Variants in LGSN observed in about 807,000 individuals in gnomAD.
LGSN encodes lengsin.
LGSN carries 21 observed loss-of-function variants against 19.5 expected under a neutral mutation model. That is an observed-to-expected ratio of 1.07 (90% CI 0.76 to 1.55). LGSN has a LOEUF of 1.55. Ranked by LOEUF, LGSN falls within the 40% of genes most tolerant of loss-of-function variation. The pLI is 0.00. For synonymous variants in LGSN, 257 were observed against 215.6 expected (o/e 1.19, Z -1.68); for missense variants, 673 against 608.5 (o/e 1.11, Z -1.12).
chr6:63,450,763 C>T, the LGSN span, among the ~76,000 whole-genome samples: 2 of 151,794 alleles, frequency 1.3e-5, no homozygotes, highest in Admixed American at 1.3e-4. Flanking sequence ...ACCTCCACCT[C>T]CTGGGTTCAA....
At chr6:63,347,305 G>A in the LGSN span, among the ~76,000 whole-genome samples, 1 of 151,920 alleles carries the variant, frequency 6.6e-6, no homozygotes, top group Admixed American at 6.6e-5. Flanking sequence ...TTTAAAACCA[G>A]TCTTTTTTAA....
the LGSN span, among the ~76,000 whole-genome samples, chr6:63,498,910 T>C: frequency 6.6e-6 from 1 of 152,084 alleles, no homozygotes; most frequent in Non-Finnish European, 1.5e-5. Context: ...AAAAGGCCAT[T>C]TGGTACTTAC....
At chr6:63,349,501 A>C in the LGSN span, among the ~76,000 whole-genome samples, 49 of 152,354 alleles carry the variant, frequency 3.2e-4, no homozygotes, top group African/African-American at 1.2e-3. Context: ...AAGGTTGAGA[A>C]ACATTCTAAG....
chr6:63,486,187 C>T, the LGSN span, among the ~76,000 whole-genome samples: 1 of 152,192 alleles, frequency 6.6e-6, no homozygotes, highest in Non-Finnish European at 1.5e-5. Flanking sequence ...TTAAAGTACT[C>T]ATATACACAT....
chr6:63,281,080 T>C lies in LGSN; in HGVS notation c.471A>G (p.Arg157=). 6.2e-7 allele frequency: 1 copy of C among 1,613,854 alleles called. No homozygotes were observed. Among genetic ancestry groups the C allele is most frequent in the Non-Finnish European group, 8.5e-7 (1 of 1,179,972 alleles). The change falls in exon 4 of 4, where the codon AGA becomes AGG. Residue 157 remains arginine (R), a synonymous_variant. Transcript: ENST00000370657. ...CAGTTCTGTCAGCCCATGGCAAAACTCTAAAGGTTGATAACTCTGGCATTA... is the reference window on the plus strand; with the variant it reads ...CAGTTCTGTCAGCCCATGGCAAAACCCTAAAGGTTGATAACTCTGGCATTA... The part of the protein sequence containing the change: ...IVLMPELSTF[R]VLPWADRTAR...
At chr6:63,522,198 T>A in the LGSN span, among the ~76,000 whole-genome samples, 1 of 152,238 alleles carries the variant, frequency 6.6e-6, no homozygotes, top group Non-Finnish European at 1.5e-5. Context: ...AATGTCATAT[T>A]CCTTTTTCTC....
At chr6:63,437,653 C>T in the LGSN span, among the ~76,000 whole-genome samples, 2 of 152,172 alleles carry the variant, frequency 1.3e-5, no homozygotes, top group African/African-American at 2.4e-5. Flanking sequence ...TTAGTACAGG[C>T]TGGGCACAGT....
chr6:63,363,203 T>G, the LGSN span, among the ~76,000 whole-genome samples: 1 of 152,154 alleles, frequency 6.6e-6, no homozygotes, highest in Non-Finnish European at 1.5e-5. Context: ...TATGTCACCA[T>G]CATCAAAGAC....
At chr6:63,357,249 T>C in the LGSN span, among the ~76,000 whole-genome samples, 19,757 of 152,086 alleles carry the variant, frequency 0.13, 2,821 homozygotes, top group African/African-American at 0.36. Flanking sequence ...ACATTTGGGC[T>C]GGTTCCAAGA....
chr6:63,518,124 A>G, the LGSN span, among the ~76,000 whole-genome samples: 1 of 148,786 alleles, frequency 6.7e-6, no homozygotes, highest in African/African-American at 2.5e-5. Context: ...ATCGCACTCC[A>G]GCCTGGGCAA....
the LGSN span, among the ~76,000 whole-genome samples, chr6:63,546,444 G>A: frequency 3.3e-5 from 5 of 152,210 alleles, no homozygotes; most frequent in South Asian, 4.1e-4. Context: ...GGTGGCTCAC[G>A]CATGTAATCC....
At chr6:63,505,949 G>A in the LGSN span, among the ~76,000 whole-genome samples, 50 of 151,766 alleles carry the variant, frequency 3.3e-4, 1 homozygote, top group African/African-American at 1.0e-3. Flanking sequence ...GCGCCCAGCC[G>A]TCATATTTTA....
chr6:63,468,489 G>T, the LGSN span, among the ~76,000 whole-genome samples: 17 of 151,978 alleles, frequency 1.1e-4, no homozygotes, highest in Non-Finnish European at 1.8e-4. Context: ...ATGCAGTGGC[G>T]AGCTCTCAGT....
At chr6:63,320,820 C>T (rs1769054644), upstream of LGSN, among the ~76,000 whole-genome samples, 1 of 152,176 alleles carries the variant, frequency 6.6e-6, no homozygotes, top group Non-Finnish European at 1.5e-5. Context: ...TCTTCCTGGT[C>T]TTCTGGGCCT....
chr6:63,539,601 C>T, the LGSN span, among the ~76,000 whole-genome samples: 7 of 152,068 alleles, frequency 4.6e-5, no homozygotes, highest in Non-Finnish European at 8.8e-5. Context: ...CATGGTGAAA[C>T]CCCGTCTCTA....
the LGSN span, among the ~76,000 whole-genome samples, chr6:63,437,073 G>A: frequency 7.3e-6 from 1 of 137,180 alleles, no homozygotes; most frequent in Non-Finnish European, 1.6e-5. Context: ...AAGGGAAGGG[G>A]AGGGGAGGGG....
At chr6:63,327,341 G>A in the LGSN span, among the ~76,000 whole-genome samples, 1 of 152,228 alleles carries the variant, frequency 6.6e-6, no homozygotes, top group Non-Finnish European at 1.5e-5. Context: ...ATGGGACCTA[G>A]AAAGGGGAGA....
At chr6:63,539,763 G>A in the LGSN span, among the ~76,000 whole-genome samples, 1 of 147,048 alleles carries the variant, frequency 6.8e-6, no homozygotes. Context: ...GTGAGACTCT[G>A]TCTCAAAAAA....
the LGSN span, among the ~76,000 whole-genome samples, chr6:63,373,962 G>A: frequency 7.9e-5 from 12 of 152,028 alleles, no homozygotes; most frequent in South Asian, 2.1e-4. Flanking sequence ...GTGGGGTGGC[G>A]GGGGAGTGGC....
Sources: allele counts gnomAD v4.1 joint callset (sites outside exome capture counted in the v4.1 genomes callset), GRCh38; gene constraint gnomAD v4.1.1; transcripts MANE v1.5; gene names NCBI Gene and HGNC (gene_info 2026-07-23, HGNC 2026-07-21).